Variants in GALNT13 observed in about 807,000 individuals in gnomAD.
GALNT13 encodes UDP-GalNAc:polypeptide N-acetylgalactosaminyltransferase 13.
Under a neutral mutation model 64.2 loss-of-function variants are expected in GALNT13, and 28 were observed. That is an observed-to-expected ratio of 0.44 (90% confidence interval 0.32 to 0.60). The LOEUF (loss-of-function observed/expected upper bound fraction) is 0.60, where lower values mean the gene tolerates loss of function less well. Ranked by LOEUF, GALNT13 falls within the 20% of genes least tolerant of loss-of-function variation. The pLI, the probability that GALNT13 is intolerant of heterozygous loss-of-function variation, is 0.05. For synonymous variants in GALNT13, 214 were observed against 224.6 expected, an observed-to-expected ratio of 0.95 and a Z score of 0.42; for missense variants, 577 against 669.8, an observed-to-expected ratio of 0.86 and a Z score of 1.53.
intron 4 of GALNT13, among the ~76,000 whole-genome samples, chr2:154,144,713 A>G (rs1683462534): frequency 6.6e-6 from 1 of 152,086 alleles, no homozygotes; most frequent in African/African-American, 2.4e-5. Flanking sequence ...TATTCGGGGA[A>G]TAAATCTAAG....
chr2:153,658,275 T>C, the GALNT13 span, among the ~76,000 whole-genome samples: 6 of 152,162 alleles, frequency 3.9e-5, no homozygotes, highest in African/African-American at 1.4e-4. Context: ...CTGAATTCTA[T>C]TCATTGTTCA....
At chr2:153,248,794 C>T in the GALNT13 span, among the ~76,000 whole-genome samples, 17 of 126,182 alleles carry the variant, frequency 1.3e-4, no homozygotes, top group Admixed American at 2.0e-4. Flanking sequence ...CCAGCCTGGG[C>T]GACTGAGCGA....
chr2:154,102,604 T>G (rs1702405397), intron 3 of GALNT13, among the ~76,000 whole-genome samples: 1 of 151,958 alleles, frequency 6.6e-6, no homozygotes, highest in Admixed American at 6.6e-5. Flanking sequence ...CACCAAAATC[T>G]CAGAAATCAC....
chr2:153,594,135 A>G, the GALNT13 span, among the ~76,000 whole-genome samples: 1 of 152,114 alleles, frequency 6.6e-6, no homozygotes, highest in South Asian at 2.1e-4. Flanking sequence ...CTAAAAGTCA[A>G]ATGAATGTGA....
At chr2:153,718,379 T>G in the GALNT13 span, among the ~76,000 whole-genome samples, 3 of 152,074 alleles carry the variant, frequency 2.0e-5, no homozygotes, top group Middle Eastern at 6.9e-3. Context: ...CCGTGTCTGT[T>G]CCTGCTCAAA....
chr2:154,429,203 A>G (rs1700604222), intron 11 of GALNT13, among the ~76,000 whole-genome samples: 1 of 152,188 alleles, frequency 6.6e-6, no homozygotes, highest in Admixed American at 6.5e-5. Context: ...CAAAAGCTAT[A>G]AAAGATTAAG....
chr2:154,190,044 TTG>T (rs1419154410), intron 4 of GALNT13, among the ~76,000 whole-genome samples: 1 of 152,190 alleles, frequency 6.6e-6, no homozygotes, highest in Non-Finnish European at 1.5e-5. Context: ...GGTGTCCTTC[TTG>T]TGTGTGTTTT....
In GALNT13 at chr2:154,372,733, T is replaced by G. The variant is rs192172287; in HGVS notation, c.1157-23258T>G. 3.5e-3 allele frequency among the ~76,000 whole-genome samples: 540 copies of G among 152,190 alleles called. 5 individuals are homozygous for G. Among genetic ancestry groups the G allele is most frequent in the African/African-American group, 0.012 (487 of 41,570 alleles). ...AGGTAATGTTACATATGCTTATTTT[T>G]GGGTAGTGAAATTGTCTGTGATTAT... is the stretch of plus-strand genomic sequence containing the variant. On this transcript the variant is annotated intron_variant, in intron 9 of 12. Transcript: ENST00000392825.
chr2:154,344,718 C>G (rs977922764), intron 9 of GALNT13, among the ~76,000 whole-genome samples: 9 of 151,972 alleles, frequency 5.9e-5, no homozygotes, highest in African/African-American at 1.9e-4. Context: ...ACCAGAAAAT[C>G]TAAATTCTCT....
chr2:154,060,378 C>T (rs1243722734), intron 3 of GALNT13, among the ~76,000 whole-genome samples: 1 of 152,018 alleles, frequency 6.6e-6, no homozygotes, highest in Non-Finnish European at 1.5e-5. Context: ...GTTTTTAAGA[C>T]AGAGTTTCGC....
At chr2:153,480,618 T>C in the GALNT13 span, among the ~76,000 whole-genome samples, 1 of 152,212 alleles carries the variant, frequency 6.6e-6, no homozygotes, top group Non-Finnish European at 1.5e-5. Context: ...CAGTCTATCT[T>C]AGTTAATGTG....
chr2:153,483,506 T>A, the GALNT13 span, among the ~76,000 whole-genome samples: 6 of 139,210 alleles, frequency 4.3e-5, no homozygotes, highest in South Asian at 4.7e-4. Context: ...AACCTCTGCC[T>A]CCAGGGTTCA....
chr2:153,981,697 A>G (rs1052646555), intron 3 of GALNT13, among the ~76,000 whole-genome samples: 1 of 151,994 alleles, frequency 6.6e-6, no homozygotes, highest in Admixed American at 6.6e-5. Flanking sequence ...TATAGGCAAA[A>G]GTTGCTTAAA....
the GALNT13 span, among the ~76,000 whole-genome samples, chr2:153,654,753 G>A: frequency 6.6e-6 from 1 of 152,032 alleles, no homozygotes; most frequent in African/African-American, 2.4e-5. Context: ...ATATCCAGGA[G>A]CATGTTTATA....
At chr2:153,303,477 T>C in the GALNT13 span, among the ~76,000 whole-genome samples, 2 of 152,216 alleles carry the variant, frequency 1.3e-5, no homozygotes, top group African/African-American at 4.8e-5. Context: ...TGGTTTTCTA[T>C]GTATAAGAGC....
chr2:154,262,759 G>A (rs976972052), intron 8 of GALNT13, among the ~76,000 whole-genome samples: 16 of 152,040 alleles, frequency 1.1e-4, no homozygotes, highest in African/African-American at 3.9e-4. Flanking sequence ...ATCAGTTATA[G>A]GTGTTAAAGA....
intron 9 of GALNT13, among the ~76,000 whole-genome samples, chr2:154,375,362 G>A (rs1188598228): frequency 6.6e-6 from 1 of 152,076 alleles, no homozygotes; most frequent in Non-Finnish European, 1.5e-5. Context: ...TATACATAGG[G>A]ACAAGGAGGA....
At chr2:153,323,708 G>C in the GALNT13 span, among the ~76,000 whole-genome samples, 16 of 152,084 alleles carry the variant, frequency 1.1e-4, no homozygotes, top group Admixed American at 9.8e-4. Flanking sequence ...TCTGCATATG[G>C]CTAGGCAGTT....
At chr2:153,372,665 G>A in the GALNT13 span, among the ~76,000 whole-genome samples, 1 of 151,142 alleles carries the variant, frequency 6.6e-6, no homozygotes, top group African/African-American at 2.4e-5. Flanking sequence ...AAAGAAAGAA[G>A]GAAAGAAAGC....
Sources: allele counts gnomAD v4.1 joint callset (sites outside exome capture counted in the v4.1 genomes callset), GRCh38; gene constraint gnomAD v4.1.1; transcripts MANE v1.5; gene names NCBI Gene and HGNC (gene_info 2026-07-23, HGNC 2026-07-21).